PRKCH: variants seen among roughly 807,000 people sequenced by gnomAD.
PRKCH encodes protein kinase C eta.
Under a neutral mutation model 82.5 loss-of-function variants are expected in PRKCH, and 28 were observed. The ratio of observed to expected loss-of-function variants is 0.34; its 90% CI spans 0.25 to 0.47. The LOEUF (loss-of-function observed/expected upper bound fraction) is 0.47. Among genes scored for constraint, PRKCH ranks in the 20% least tolerant of loss-of-function variants. The pLI is 1.00. For synonymous variants in PRKCH, 322 were observed against 327.4 expected (o/e 0.98, Z 0.18); for missense variants, 705 against 881.8 (o/e 0.80, Z 2.54).
At chr14:61,510,961 G>A (rs1267459776) in intron 10 of PRKCH, among the ~76,000 whole-genome samples, 2 of 152,096 alleles carry the variant, frequency 1.3e-5, no homozygotes, top group East Asian at 1.9e-4. Context: ...AGAACCTTAG[G>A]GAACCAGCTA....
chr14:61,255,932 A>G (rs1256119114), intron 1 of PRKCH, among the ~76,000 whole-genome samples: 1 of 152,180 alleles, frequency 6.6e-6, no homozygotes, highest in Non-Finnish European at 1.5e-5. Flanking sequence ...GAAATTTTTA[A>G]TGTTAAAAAA....
intron 10 of PRKCH, among the ~76,000 whole-genome samples, chr14:61,515,976 C>T (rs911074980): frequency 3.3e-5 from 5 of 152,152 alleles, no homozygotes; most frequent in African/African-American, 1.2e-4. Context: ...TTGTTATCTA[C>T]ATTTCTTGAT....
At chr14:61,292,092 C>T (rs2045368056) in intron 1 of PRKCH, among the ~76,000 whole-genome samples, 1 of 152,004 alleles carries the variant, frequency 6.6e-6, no homozygotes, top group Admixed American at 6.6e-5. Flanking sequence ...TTTAGATGCA[C>T]CACCTAGTAA....
At chr14:61,240,746 C>T (rs1164518635) in intron 1 of PRKCH, among the ~76,000 whole-genome samples, 1 of 151,988 alleles carries the variant, frequency 6.6e-6, no homozygotes, top group African/African-American at 2.4e-5. Context: ...ATTTATCACC[C>T]TCCACCCATT....
chr14:61,189,772 A>C (rs1341454039), intron 1 of PRKCH, among the ~76,000 whole-genome samples: 1 of 147,042 alleles, frequency 6.8e-6, no homozygotes. Flanking sequence ...CATCACTCGC[A>C]CTCTGCCAAA....
chr14:61,322,556 C>G, intron 1 of PRKCH, 92 bp downstream of exon 1: 1 of 1,480,984 alleles, frequency 6.8e-7, no homozygotes, highest in Non-Finnish European at 9.0e-7. Context: ...TTTCCCATCG[C>G]TTTGTGGCTG....
intron 12 of PRKCH, among the ~76,000 whole-genome samples, chr14:61,533,675 C>T (rs1213620270): frequency 1.3e-5 from 2 of 152,190 alleles, no homozygotes; most frequent in Non-Finnish European, 2.9e-5. Context: ...CTAATTCTTC[C>T]ATGCCTCAGC....
At chr14:61,477,612 T>C (rs1314057266) in intron 9 of PRKCH, among the ~76,000 whole-genome samples, 1 of 152,210 alleles carries the variant, frequency 6.6e-6, no homozygotes, top group Non-Finnish European at 1.5e-5. Flanking sequence ...TAATAATTAT[T>C]ATAAAGCCCC....
chr14:61,512,210 T>C (rs966555401), intron 10 of PRKCH, among the ~76,000 whole-genome samples: 10 of 151,318 alleles, frequency 6.6e-5, no homozygotes, highest in African/African-American at 1.9e-4. Flanking sequence ...CAGGATTTCA[T>C]ATACTACATC....
intron 9 of PRKCH, among the ~76,000 whole-genome samples, chr14:61,461,408 C>T (rs994106131): frequency 3.3e-5 from 5 of 152,302 alleles, no homozygotes; most frequent in East Asian, 1.9e-4. Flanking sequence ...GGGTTTCAAG[C>T]GCCAGCCTCC....
At chr14:61,342,216 C>T (rs1391147678) in intron 1 of PRKCH, among the ~76,000 whole-genome samples, 1 of 151,616 alleles carries the variant, frequency 6.6e-6, no homozygotes, top group African/African-American at 2.4e-5. Context: ...TTTAAAGCCT[C>T]AACTACTAAT....
chr14:61,276,450 G>T (rs2045203047), intron 1 of PRKCH, among the ~76,000 whole-genome samples: 2 of 151,710 alleles, frequency 1.3e-5, no homozygotes, highest in South Asian at 4.2e-4. Context: ...CTGCCTCCCA[G>T]GTTCAAGCAA....
chr14:61,511,280 C>T (rs1181153130), intron 10 of PRKCH, among the ~76,000 whole-genome samples: 2 of 152,164 alleles, frequency 1.3e-5, no homozygotes, highest in Non-Finnish European at 2.9e-5. Flanking sequence ...AGAGCCAATG[C>T]CTGGCAGGTG....
At chr14:61,290,722 A>G (rs1016666258) in intron 1 of PRKCH, among the ~76,000 whole-genome samples, 10 of 152,200 alleles carry the variant, frequency 6.6e-5, no homozygotes, top group African/African-American at 2.4e-4. Flanking sequence ...TCCTCTGCAA[A>G]TATCTCTCAT....
intron 2 of PRKCH, among the ~76,000 whole-genome samples, chr14:61,417,748 T>TA (rs1247571388): frequency 5.3e-5 from 8 of 152,136 alleles, no homozygotes; most frequent in Non-Finnish European, 1.2e-4. Flanking sequence ...CTGTTTCCTT[T>TA]AAAAAAAGAA....
At position 61,485,544 on chromosome 14, in the gene PRKCH, T is replaced by A. The variant is rs1306211350; in HGVS notation, c.1321T>A (p.Leu441Met). The change falls in exon 10 of 14, where the codon TTG becomes ATG. Residue 441 changes from leucine (L) to methionine (M), a missense_variant. Physicochemically the swap from Leu to Met is conservative, Grantham distance 15. This residue lies in a region of PRKCH where 238 missense variants were observed against 258.1 expected (regional missense o/e 0.92). Coordinates refer to ENST00000332981, the MANE Select transcript of PRKCH (RefSeq NM_006255.5). ...GATGGAGTTTGTGAATGGGGGTGAC[T>A]TGATGTTCCACATTCAGAAGTCTCG... ...FVMEFVNGGD[L>M]MFHIQKSRRF... is the part of the protein sequence containing the mutation. 1 of 1,614,078 alleles carries A rather than the reference T, an allele frequency of 6.2e-7. No homozygotes were observed. The highest frequency in any genetic ancestry group is 8.5e-7 in the Non-Finnish European group (1 of 1,180,030).
At chr14:61,455,743 C>T (rs17256233) in intron 7 of PRKCH, among the ~76,000 whole-genome samples, 10,227 of 152,238 alleles carry the variant, frequency 0.067, 461 homozygotes, top group South Asian at 0.11. Context: ...ACATCCGGTG[C>T]CTGGCTGGAT....
At chr14:61,396,218 G>A (rs1228400285) in intron 2 of PRKCH, among the ~76,000 whole-genome samples, 1 of 151,836 alleles carries the variant, frequency 6.6e-6, no homozygotes, top group Non-Finnish European at 1.5e-5. Context: ...TCTGCCATAA[G>A]CTCAGATTCT....
At position 61,308,381 on chromosome 14, in the gene PRKCH, T is replaced by G. The variant is rs571269607; in HGVS notation, c.-19+120713T>G. 9.8e-5 allele frequency among the ~76,000 whole-genome samples: 15 copies of G among 152,338 alleles called. No homozygotes were observed. The South Asian group carries it at 3.1e-3, about 32-fold the overall frequency. On this transcript the variant is annotated intron_variant, in intron 1 of 3. Transcript: ENST00000555185. ...ACAGGTGTTTCCTGATTTCAGTTGTTCGGACTCTTAAAATGAGTAACTCAG... is the reference window on the plus strand; with the variant it reads ...ACAGGTGTTTCCTGATTTCAGTTGTGCGGACTCTTAAAATGAGTAACTCAG...
Sources: gnomAD v4.1 joint callset for allele counts (sites outside exome capture counted in the v4.1 genomes callset) on GRCh38, gnomAD v4.1.1 for gene constraint, gnomAD v4.1.1 regional missense constraint, MANE v1.5 for transcripts, NCBI Gene and HGNC (gene_info 2026-07-23, HGNC 2026-07-21) for gene names.